Variants in GHR observed in about 807,000 individuals in gnomAD.
GHR encodes GH receptor.
GHR carries 35 observed loss-of-function variants against 67.1 expected under a neutral mutation model. The ratio of observed to expected loss-of-function variants is 0.52; its 90% CI spans 0.40 to 0.69. GHR has a LOEUF of 0.69. Among genes scored for constraint, GHR ranks in the 30% least tolerant of loss-of-function variants. The pLI, the probability that GHR is intolerant of heterozygous loss-of-function variation, is 0.00. For synonymous variants in GHR, 272 were observed against 269.1 expected (o/e 1.01, Z -0.10); for missense variants, 792 against 764.6 (o/e 1.04, Z -0.42).
At chr5:42,654,253 G>A (rs1310212228) in intron 3 of GHR, among the ~76,000 whole-genome samples, 1 of 152,100 alleles carries the variant, frequency 6.6e-6, no homozygotes, top group Non-Finnish European at 1.5e-5. Flanking sequence ...TATAAAATGA[G>A]AATAATACAA....
intron 3 of GHR, among the ~76,000 whole-genome samples, chr5:42,671,423 C>A (rs917436791): frequency 3.9e-5 from 6 of 152,080 alleles, no homozygotes; most frequent in African/African-American, 1.4e-4. Flanking sequence ...CCACCAAGAC[C>A]CACCTCCAAC....
rs1440290443 is a variant in GHR at position 42,694,896 on chromosome 5, T to C, written c.267-21T>C. On this transcript the variant is annotated intron_variant, in intron 4 of 9. Coordinates refer to ENST00000230882, the MANE Select transcript of GHR (RefSeq NM_000163.5). ...ACATGATTTTTGGAACAATTAATCT[T>C]TTTTTAACCCTTCATTTTAGGAACA... 5 of 1,582,138 alleles carry C rather than the reference T, an allele frequency of 3.2e-6. No individual in the cohort carries two copies. The Admixed American group carries it at 8.4e-5, about 27-fold the overall frequency.
At chr5:42,657,038 A>G (rs540573239) in intron 3 of GHR, among the ~76,000 whole-genome samples, 3 of 152,272 alleles carry the variant, frequency 2.0e-5, no homozygotes, top group South Asian at 2.1e-4. Context: ...GTGTCATAGA[A>G]TCTAGGGCTC....
intron 1 of GHR, among the ~76,000 whole-genome samples, chr5:42,444,811 A>G (rs1743737915): frequency 6.6e-6 from 1 of 152,162 alleles, no homozygotes. Context: ...CACAACGTCA[A>G]ATGCCACAGT....
At chr5:42,647,300 C>T (rs74796786) in intron 3 of GHR, among the ~76,000 whole-genome samples, 1,625 of 152,056 alleles carry the variant, frequency 0.011, 35 homozygotes, top group African/African-American at 0.037. Context: ...ATCGGCCGGG[C>T]GTTGTGGCTC....
intron 1 of GHR, among the ~76,000 whole-genome samples, chr5:42,546,119 G>T (rs552645347): frequency 6.6e-6 from 1 of 152,180 alleles, no homozygotes; most frequent in East Asian, 1.9e-4. Context: ...TTTCTTTATG[G>T]TATCAAGAAT....
intron 2 of GHR, among the ~76,000 whole-genome samples, chr5:42,578,873 G>A (rs553210100): frequency 1.3e-5 from 2 of 151,956 alleles, no homozygotes; most frequent in South Asian, 2.1e-4. Flanking sequence ...AAATAAAAAC[G>A]AAAGCAAAAA....
intron 2 of GHR, among the ~76,000 whole-genome samples, chr5:42,615,816 A>C (rs1242634609): frequency 6.6e-6 from 1 of 152,118 alleles, no homozygotes; most frequent in East Asian, 1.9e-4. Flanking sequence ...AATATTTCTA[A>C]AATATACCCA....
In GHR at chr5:42,467,733, G is replaced by A. The variant is rs1050075943; in HGVS notation, c.-12+43778G>A. 9.9e-5 allele frequency: 154 copies of A among 1,559,350 alleles called. No individual in the cohort carries two copies. The African/African-American group carries it at 1.8e-3, about 18-fold the overall frequency. ...CATGACATTCAAAAGGTTTCTCCCC[G>A]GTGTGGATTCTCTGATGCACAACGA... is the stretch of plus-strand genomic sequence containing the variant. On this transcript the variant is annotated intron_variant, in intron 1 of 9. Transcript: ENST00000230882.
At chr5:42,655,835 TG>T (rs1299762380) in intron 3 of GHR, among the ~76,000 whole-genome samples, 1 of 152,026 alleles carries the variant, frequency 6.6e-6, no homozygotes, top group Non-Finnish European at 1.5e-5. Flanking sequence ...AAATAGTCTT[TG>T]GGATAATTTC....
At chr5:42,703,160 T>C (rs551474502) in intron 6 of GHR, among the ~76,000 whole-genome samples, 8 of 152,184 alleles carry the variant, frequency 5.3e-5, no homozygotes, top group African/African-American at 1.9e-4. Context: ...CTTTTTCCTA[T>C]ATTTTCTTCC....
rs1158830359 is a variant in GHR at position 42,424,171 on chromosome 5, A to AGTGTGTGTGTGTGTGT, written c.-12+249_-12+264dup. Among the ~76,000 whole-genome samples, 298 of 100,568 alleles carry AGTGTGTGTGTGTGTGT rather than the reference A, an allele frequency of 3.0e-3. 9 individuals are homozygous for AGTGTGTGTGTGTGTGT. Among genetic ancestry groups the AGTGTGTGTGTGTGTGT allele is most frequent in the African/African-American group, 3.8e-3 (93 of 24,222 alleles). The allele number at this position is 100,568 out of a possible 152,430, so 66.0% of individuals were successfully genotyped here. On this transcript the variant is annotated intron_variant, in intron 1 of 9. Coordinates refer to ENST00000230882, the MANE Select transcript of GHR (RefSeq NM_000163.5). The surrounding 1 kb of genome is among the most constrained non-coding windows in gnomAD (Gnocchi z 4.1). ...CTGGTGGGTTGTTGTAACCCAATCT[A>AGTGTGTGTGTGTGTGT]GTGTGTGTGTGTGTGTGTGTGTGTG...
At chr5:42,474,273 AAGAAAG>A (rs1284958410) in intron 1 of GHR, among the ~76,000 whole-genome samples, 2 of 121,690 alleles carry the variant, frequency 1.6e-5, no homozygotes, top group African/African-American at 3.3e-5. Context: ...GAAAGAAAGA[AAGAAAG>A]AAAGAAAAAG....
chr5:42,479,155 G>C (rs1561329894), intron 1 of GHR, among the ~76,000 whole-genome samples: 1 of 152,142 alleles, frequency 6.6e-6, no homozygotes, highest in Non-Finnish European at 1.5e-5. Flanking sequence ...TGTGGTTTTT[G>C]TCTTTGGTTC....
At chr5:42,432,985 T>C (rs1312837284) in intron 1 of GHR, among the ~76,000 whole-genome samples, 2 of 152,168 alleles carry the variant, frequency 1.3e-5, no homozygotes, top group Non-Finnish European at 2.9e-5. Context: ...AGGATGTAGA[T>C]AGGATCAGGT....
intron 1 of GHR, among the ~76,000 whole-genome samples, chr5:42,524,328 A>G (rs1359184628): frequency 6.6e-6 from 1 of 152,188 alleles, no homozygotes; most frequent in African/African-American, 2.4e-5. Flanking sequence ...ACTGGAGAAA[A>G]TATGACTCTT....
intron 1 of GHR, among the ~76,000 whole-genome samples, chr5:42,476,096 C>T (rs766675166): frequency 1.4e-4 from 21 of 150,304 alleles, no homozygotes; most frequent in African/African-American, 4.2e-4. Context: ...AATAGAGACG[C>T]GGTTTCACCG....
chr5:42,704,544 G>T (rs1302509218), intron 6 of GHR, among the ~76,000 whole-genome samples: 1 of 151,892 alleles, frequency 6.6e-6, no homozygotes, highest in Non-Finnish European at 1.5e-5. Flanking sequence ...CATGGTTTGG[G>T]TATAAGGGTA....
chr5:42,436,814 A>C (rs17574650), intron 1 of GHR, among the ~76,000 whole-genome samples: 9,663 of 152,266 alleles, frequency 0.063, 410 homozygotes, highest in Non-Finnish European at 0.097. Context: ...GCCCAACTGA[A>C]AATTACCCTT....
Sources: allele counts gnomAD v4.1 joint callset (sites outside exome capture counted in the v4.1 genomes callset), GRCh38; gene constraint gnomAD v4.1.1; non-coding constraint Gnocchi (gnomAD v3.1); transcripts MANE v1.5; gene names NCBI Gene and HGNC (gene_info 2026-07-23, HGNC 2026-07-21).